Variants in RNF150 observed in about 807,000 individuals in gnomAD.
RNF150 encodes ring finger protein 150.
A neutral mutation model predicts 39.3 loss-of-function variants in RNF150; 24 were observed. The ratio of observed to expected loss-of-function variants is 0.61; its 90% confidence interval spans 0.44 to 0.86. The LOEUF is 0.86. Among genes scored for constraint, RNF150 ranks in the 40% least tolerant of loss-of-function variants. The pLI is 0.00. For synonymous variants in RNF150, 255 were observed against 227.3 expected, an observed-to-expected ratio of 1.12 and a Z score of -1.10; for missense variants, 502 against 587.8, an observed-to-expected ratio of 0.85 and a Z score of 1.51.
intron 4 of RNF150, among the ~76,000 whole-genome samples, chr4:140,939,870 C>A (rs1030610100): frequency 6.6e-6 from 1 of 152,222 alleles, no homozygotes; most frequent in Admixed American, 6.5e-5. Context: ...AACGTTGAGT[C>A]ATCTGGTTTA....
chr4:140,960,355 A>G (rs896468453), intron 2 of RNF150, among the ~76,000 whole-genome samples: 1 of 152,212 alleles, frequency 6.6e-6, no homozygotes, highest in Non-Finnish European at 1.5e-5. Context: ...GCTCCCAGCT[A>G]GAACTCCTAA....
chr4:141,023,660 G>A (rs565173392), intron 1 of RNF150, among the ~76,000 whole-genome samples: 1 of 152,086 alleles, frequency 6.6e-6, no homozygotes, highest in African/African-American at 2.4e-5. Flanking sequence ...TTTATACTAA[G>A]TCTTCAAAAT....
chr4:140,945,145 G>A (rs1175423762), intron 4 of RNF150, among the ~76,000 whole-genome samples: 1 of 152,052 alleles, frequency 6.6e-6, no homozygotes, highest in Admixed American at 6.6e-5. Context: ...GGACAGTAAG[G>A]AATATGAAAC....
chr4:140,927,990 C>G (rs946927712), intron 4 of RNF150, among the ~76,000 whole-genome samples: 2 of 151,870 alleles, frequency 1.3e-5, no homozygotes, highest in Admixed American at 6.5e-5. Context: ...TCAGGTATTT[C>G]TTTATAGCAG....
chr4:140,943,719 G>A (rs1355151090), intron 4 of RNF150, among the ~76,000 whole-genome samples: 1 of 152,100 alleles, frequency 6.6e-6, no homozygotes, highest in South Asian at 2.1e-4. Flanking sequence ...ACTATTCCTG[G>A]CACACAGTTG....
intron 1 of RNF150, among the ~76,000 whole-genome samples, chr4:141,176,966 A>T (rs185179935): frequency 6.6e-6 from 1 of 151,386 alleles, no homozygotes; most frequent in Non-Finnish European, 1.5e-5. Context: ...CTGTAATCCC[A>T]GCATTTTGGG....
At chr4:140,974,063 A>C (rs1733567046) in intron 1 of RNF150, among the ~76,000 whole-genome samples, 1 of 152,058 alleles carries the variant, frequency 6.6e-6, no homozygotes, top group Non-Finnish European at 1.5e-5. Flanking sequence ...TGCATGTACA[A>C]AATTTTAAAT....
At chr4:141,136,751 A>G (rs1051823274), upstream of RNF150, among the ~76,000 whole-genome samples, 1 of 152,236 alleles carries the variant, frequency 6.6e-6, no homozygotes, top group African/African-American at 2.4e-5. Flanking sequence ...TGGAGTTTAT[A>G]TTCTGGAGTT....
chr4:141,094,432 T>C (rs1250362941), intron 1 of RNF150, among the ~76,000 whole-genome samples: 3 of 152,256 alleles, frequency 2.0e-5, no homozygotes, highest in African/African-American at 7.2e-5. Flanking sequence ...TAACTATTAA[T>C]ATAGAATATG....
chr4:141,047,701 A>G lies in RNF150; in HGVS notation c.485-79828T>C, dbSNP rs965458749. ...TGCACAGGATTTTCCAAGGATCACA[A>G]GTCAAAGGCAACTAAGGCTATGTAG... On this transcript the variant is annotated intron_variant, in intron 1 of 6. Transcript: ENST00000515673. Among the ~76,000 whole-genome samples the G allele has an allele frequency of 2.6e-5, 4 of 152,286 alleles. No individual in the cohort carries two copies. The East Asian group carries it at 7.7e-4, about 29-fold the overall frequency.
chr4:141,078,809 ATAT>A (rs567661993), intron 1 of RNF150, among the ~76,000 whole-genome samples: 1,680 of 56,288 alleles, frequency 0.03, 51 homozygotes, highest in African/African-American at 0.044. Context: ...AAAAAAAAAA[ATAT>A]ATATATATAT....
intron 1 of RNF150, among the ~76,000 whole-genome samples, chr4:140,973,999 T>C (rs1733565977): frequency 1.3e-5 from 2 of 152,010 alleles, no homozygotes; most frequent in African/African-American, 4.8e-5. Context: ...AAACAGGAAA[T>C]TGGCAAAATA....
At chr4:141,097,807 T>C (rs972061213) in intron 1 of RNF150, among the ~76,000 whole-genome samples, 9 of 152,224 alleles carry the variant, frequency 5.9e-5, no homozygotes, top group Non-Finnish European at 1.2e-4. Context: ...TTTTTTACGG[T>C]AGTTTTTTAT....
At chr4:141,068,681 C>A (rs1386359434) in intron 1 of RNF150, among the ~76,000 whole-genome samples, 1 of 150,134 alleles carries the variant, frequency 6.7e-6, no homozygotes, top group Non-Finnish European at 1.5e-5. Context: ...TTGATTCTTC[C>A]TACCCATGAG....
intron 5 of RNF150, among the ~76,000 whole-genome samples, chr4:140,912,805 T>C (rs1242472699): frequency 1.3e-5 from 2 of 152,200 alleles, no homozygotes; most frequent in South Asian, 2.1e-4. Flanking sequence ...AGTCGATTCA[T>C]AGAATGACCA....
intron 1 of RNF150, among the ~76,000 whole-genome samples, chr4:140,987,758 T>C (rs1313504975): frequency 3.3e-5 from 5 of 152,084 alleles, no homozygotes; most frequent in Non-Finnish European, 7.4e-5. Context: ...AATTGACAAG[T>C]GGGACATAGT....
At chr4:141,200,093 C>T (rs555605542) in intron 1 of RNF150, among the ~76,000 whole-genome samples, 12 of 152,110 alleles carry the variant, frequency 7.9e-5, no homozygotes, top group African/African-American at 2.9e-4. Flanking sequence ...GCTACTGTAA[C>T]AAGATACTGG....
At chr4:141,109,681 C>T (rs559843480) in intron 1 of RNF150, among the ~76,000 whole-genome samples, 1 of 152,188 alleles carries the variant, frequency 6.6e-6, no homozygotes, top group South Asian at 2.1e-4. Context: ...CAAAAACAGG[C>T]TGATTTCCTC....
intron 1 of RNF150, among the ~76,000 whole-genome samples, chr4:141,103,615 T>G (rs1438755483): frequency 4.6e-5 from 7 of 152,194 alleles, no homozygotes. Flanking sequence ...TGTCAGCATG[T>G]GTGAAACAAA....
Sources: gnomAD v4.1 joint callset for allele counts (sites outside exome capture counted in the v4.1 genomes callset) on GRCh38, gnomAD v4.1.1 for gene constraint, MANE v1.5 for transcripts, NCBI Gene and HGNC (gene_info 2026-07-23, HGNC 2026-07-21) for gene names.